The following BICRAL variants were observed in gnomAD, a reference collection of about 807,000 sequenced individuals.
BICRAL encodes BICRA like chromatin remodeling complex associated protein.
Under a neutral mutation model 91.8 loss-of-function variants are expected in BICRAL, and 8 were observed. The observed-to-expected ratio is 0.09, with a 90% confidence interval of 0.05 to 0.16. BICRAL has a LOEUF of 0.16. BICRAL is among the 10% of genes least tolerant of loss of function. The pLI is 1.00. For missense variants in BICRAL, 1,038 were observed against 1,310.9 expected (o/e 0.79, Z 3.21); for synonymous variants, 445 against 491.1 (o/e 0.91, Z 1.24).
At chr6:42,784,400 ATAGT>A (rs758855226) in intron 1 of BICRAL, among the ~76,000 whole-genome samples, 15 of 152,310 alleles carry the variant, frequency 9.8e-5, no homozygotes, top group African/African-American at 9.6e-5. Flanking sequence ...TGGAAAGTAA[ATAGT>A]TAATTTCTAG....
intron 1 of BICRAL, among the ~76,000 whole-genome samples, chr6:42,756,108 C>G (rs1762454414): frequency 1.3e-5 from 2 of 152,190 alleles, no homozygotes; most frequent in African/African-American, 2.4e-5. Flanking sequence ...CTTTCTTCCC[C>G]TAACAATAGA....
chr6:42,840,083 A>C (rs1167031441), intron 6 of BICRAL, among the ~76,000 whole-genome samples: 2 of 152,186 alleles, frequency 1.3e-5, no homozygotes, highest in African/African-American at 4.8e-5. Context: ...TCTATTATTT[A>C]TTTATTAGAG....
chr6:42,840,247 G>GTTTT (rs1196119601), intron 6 of BICRAL, among the ~76,000 whole-genome samples: 6 of 118,730 alleles, frequency 5.1e-5, no homozygotes, highest in African/African-American at 1.8e-4. Context: ...TTGTTTGTTT[G>GTTTT]TTTGTTTGTT....
chr6:42,819,676 C>G (rs1405219684), intron 2 of BICRAL, among the ~76,000 whole-genome samples: 2 of 152,130 alleles, frequency 1.3e-5, no homozygotes, highest in South Asian at 2.1e-4. Flanking sequence ...TGAAAGGAAC[C>G]CCTGGATTAG....
At chr6:42,775,560 G>A (rs1762795282) in intron 1 of BICRAL, among the ~76,000 whole-genome samples, 1 of 152,178 alleles carries the variant, frequency 6.6e-6, no homozygotes, top group Admixed American at 6.5e-5. Flanking sequence ...ACAGCATGTG[G>A]TGCCCCCCTA....
intron 1 of BICRAL, among the ~76,000 whole-genome samples, chr6:42,798,023 A>G (rs1418789427): frequency 6.6e-6 from 1 of 152,152 alleles, no homozygotes; most frequent in African/African-American, 2.4e-5. Flanking sequence ...AAAGAATGAT[A>G]TCATGCCCTT....
At chr6:42,820,474 T>A (rs1764106651) in intron 2 of BICRAL, among the ~76,000 whole-genome samples, 1 of 152,204 alleles carries the variant, frequency 6.6e-6, no homozygotes, top group African/African-American at 2.4e-5. Flanking sequence ...AATACAATTT[T>A]ATCTCACTAA....
chr6:42,764,422 C>G (rs750734288), intron 1 of BICRAL, among the ~76,000 whole-genome samples: 1 of 151,154 alleles, frequency 6.6e-6, no homozygotes, highest in Non-Finnish European at 1.5e-5. Flanking sequence ...TGTGGTGGCA[C>G]GTGCCTGTAG....
chr6:42,797,718 A>C (rs538668167), intron 1 of BICRAL, among the ~76,000 whole-genome samples: 1 of 152,292 alleles, frequency 6.6e-6, no homozygotes, highest in Admixed American at 6.5e-5. Flanking sequence ...TCATACCTGT[A>C]ATCCCAGTAC....
At chr6:42,821,943 C>A in intron 2 of BICRAL, 75 bp from the exon 3 acceptor site, 1 of 851,954 alleles carries the variant, frequency 1.2e-6, no homozygotes, top group Non-Finnish European at 2.0e-6. Flanking sequence ...GTAAGGCATA[C>A]TTTTGTATTG....
chr6:42,829,716 G>A lies in BICRAL; in HGVS notation c.1383G>A (p.Pro461=), dbSNP rs1013700019. 7.4e-6 allele frequency: 12 copies of A among 1,613,996 alleles called. No homozygotes were observed. The highest frequency in any genetic ancestry group is 2.2e-5 in the South Asian group (2 of 91,094). Residue 461 remains proline (P), a synonymous_variant, in exon 6 of 13, where the codon CCG becomes CCA. Transcript: ENST00000314073. ...MLRTNQPYTG[P]MLNNQNTAVH... ...GGACCAACCAACCATATACTGGACC[G>A]ATGCTTAACAACCAGAATACTGCTG...
At chr6:42,767,408 A>C (rs1051415744) in intron 1 of BICRAL, among the ~76,000 whole-genome samples, 1 of 152,202 alleles carries the variant, frequency 6.6e-6, no homozygotes, top group Non-Finnish European at 1.5e-5. Context: ...CATGGATGCC[A>C]CCATGAGTCT....
At chr6:42,751,943 C>A (rs1306098710) in intron 1 of BICRAL, among the ~76,000 whole-genome samples, 1 of 151,520 alleles carries the variant, frequency 6.6e-6, no homozygotes, top group African/African-American at 2.4e-5. Flanking sequence ...AGGCATGAGT[C>A]ACCGCGCCCG....
chr6:42,795,603 A>T (rs1341766821), intron 1 of BICRAL, among the ~76,000 whole-genome samples: 1 of 152,228 alleles, frequency 6.6e-6, no homozygotes, highest in South Asian at 2.1e-4. Flanking sequence ...ACTCTCAAGC[A>T]TATCTTTAGG....
chr6:42,833,413 C>T (rs1764553415), intron 6 of BICRAL, among the ~76,000 whole-genome samples: 1 of 152,022 alleles, frequency 6.6e-6, no homozygotes, highest in African/African-American at 2.4e-5. Context: ...GAACTACAGG[C>T]TCATGCCCCG....
In BICRAL at chr6:42,868,541, C is replaced by T. The variant is rs2114062307; in HGVS notation, c.*3095C>T. The T allele has an allele frequency of 6.6e-6, 1 of 152,594 alleles. No homozygotes were observed. The highest frequency in any genetic ancestry group is 2.1e-4 in the South Asian group (1 of 4,814). The allele number at this position is 152,594 out of a possible 1,614,324, so 9.5% of individuals were successfully genotyped here. ...ATTGAAACAACCATTGCAATACAGC[C>T]AAAGATTTGGGAAAATGTGCAACTG... On this transcript the variant is annotated 3_prime_UTR_variant, in exon 13 of 13. Transcript: ENST00000314073.
intron 1 of BICRAL, among the ~76,000 whole-genome samples, chr6:42,747,245 C>T (rs905741562): frequency 6.6e-6 from 1 of 152,222 alleles, no homozygotes; most frequent in African/African-American, 2.4e-5. Context: ...GAACCCGAGA[C>T]GCAGCCGCTG....
At chr6:42,809,468 C>T (rs967188349) in intron 1 of BICRAL, among the ~76,000 whole-genome samples, 3 of 134,474 alleles carry the variant, frequency 2.2e-5, no homozygotes, top group African/African-American at 8.4e-5. Flanking sequence ...CAGAGTTTCG[C>T]TCTTGTTGCC....
intron 1 of BICRAL, among the ~76,000 whole-genome samples, chr6:42,768,782 C>T (rs1275984381): frequency 6.6e-6 from 1 of 152,128 alleles, no homozygotes; most frequent in Non-Finnish European, 1.5e-5. Context: ...GTGGCATTGC[C>T]CCCTAGGCTT....
Sources: allele counts gnomAD v4.1 joint callset (sites outside exome capture counted in the v4.1 genomes callset), GRCh38; gene constraint gnomAD v4.1.1; transcripts MANE v1.5; gene names NCBI Gene and HGNC (gene_info 2026-07-23, HGNC 2026-07-21).